The following ANKAR variants were observed in gnomAD, a reference collection of about 807,000 sequenced individuals.
ANKAR encodes the protein ankyrin and armadillo repeat-containing protein.
ANKAR carries 136 observed loss-of-function variants against 146.2 expected under a neutral mutation model. That is an observed-to-expected ratio of 0.93 (90% confidence interval 0.81 to 1.07). ANKAR has a LOEUF of 1.07. ANKAR is among the 50% of genes least tolerant of loss of function. The pLI is 0.00. For synonymous variants in ANKAR, 500 were observed against 575.8 expected (o/e 0.87, Z 1.88); for missense variants, 1,567 against 1,679.9 (o/e 0.93, Z 1.18).
At chr2:189,737,574 C>T (rs1422323956) in intron 17 of ANKAR, 109 bp from the exon 18 acceptor site, 12 of 930,754 alleles carry the variant, frequency 1.3e-5, no homozygotes, top group Non-Finnish European at 1.7e-5. Context: ...ATATTTTACT[C>T]CCAGTGATAA....
In ANKAR at chr2:189,676,771, T is replaced by C. The variant is rs140832996; in HGVS notation, c.281T>C (p.Leu94Pro). The C allele has an allele frequency of 1.3e-4, 213 of 1,614,064 alleles. 1 individual carries two copies. Among genetic ancestry groups the C allele is most frequent in the Non-Finnish European group, 1.5e-4 (176 of 1,180,040 alleles). The change falls in exon 2 of 23, where the codon CTC becomes CCC. Residue 94 changes from leucine to proline, a missense_variant. By Grantham distance (98) the Leu-to-Pro change is moderately conservative. Transcript: ENST00000684021. ...CTGACTCCCGTGGACCCTACTGCCC[T>C]CTTAGACTATAGAGAGGTCCATCAA... ...ILLTPVDPTA[L>P]LDYREVHQMI...
At chr2:189,744,119 G>A (rs1301978442) in intron 21 of ANKAR, among the ~76,000 whole-genome samples, 9 of 152,188 alleles carry the variant, frequency 5.9e-5, no homozygotes, top group Admixed American at 6.5e-5. Context: ...CTCAAGATAC[G>A]TTAACTCTAT....
chr2:189,738,739 T>C, intron 19 of ANKAR, 57 bp downstream of exon 19: 1 of 1,074,390 alleles, frequency 9.3e-7, no homozygotes, highest in East Asian at 2.4e-5. Flanking sequence ...AAAAACAGTT[T>C]ATTGTAATCT....
At chr2:189,722,127 G>A (rs901944855) in intron 12 of ANKAR, among the ~76,000 whole-genome samples, 2 of 152,042 alleles carry the variant, frequency 1.3e-5, no homozygotes, top group Admixed American at 6.6e-5. Flanking sequence ...GATCACCTGA[G>A]GTCAGGAGTT....
chr2:189,747,936 T>C (rs1484944370), downstream of ANKAR, among the ~76,000 whole-genome samples: 1 of 152,160 alleles, frequency 6.6e-6, no homozygotes, highest in Non-Finnish European at 1.5e-5. Flanking sequence ...TCCGCCTACC[T>C]TGGCCTCCCA....
downstream of ANKAR, chr2:189,746,847 C>T (rs1472076656): frequency 2.6e-6 from 1 of 387,046 alleles, no homozygotes; most frequent in Non-Finnish European, 4.5e-6. Flanking sequence ...AAGGCCTGCA[C>T]TTAAACCTTA....
intron 19 of ANKAR, 75 bp downstream of exon 19, chr2:189,738,757 A>G (rs1430160681): frequency 2.2e-6 from 2 of 889,236 alleles, no homozygotes; most frequent in Non-Finnish European, 3.4e-6. Context: ...TCTGAATAAT[A>G]ATAAAATAAT....
intron 18 of ANKAR, 80 bp downstream of exon 18, chr2:189,737,921 C>A: frequency 7.5e-7 from 1 of 1,342,220 alleles, no homozygotes; most frequent in Non-Finnish European, 9.9e-7. Flanking sequence ...ATTTGGAGGC[C>A]CAGAAAAACG....
rs982227323 is a variant in ANKAR at position 189,735,866 on chromosome 2, CTAAT to C, written c.3424-1810_3424-1807del. ...TTTTTAATTAACTCAAATATGTGGG[CTAAT>C]TAATTATGAATATACTTTTGAAGAG... On this transcript the variant is annotated intron_variant, in intron 17 of 22. Coordinates refer to ENST00000684021, the MANE Select transcript of ANKAR (RefSeq NM_001378068.1). Among the ~76,000 whole-genome samples, 9 of 152,192 alleles carry C rather than the reference CTAAT, an allele frequency of 5.9e-5. No homozygotes were observed. In the East Asian group the frequency reaches 7.7e-4, roughly 13 times the overall value.
chr2:189,730,309 A>G (rs888771789), intron 15 of ANKAR, among the ~76,000 whole-genome samples, 186 bp from the exon 16 acceptor site: 1 of 152,140 alleles, frequency 6.6e-6, no homozygotes, highest in Non-Finnish European at 1.5e-5. Flanking sequence ...CTCCATGTTT[A>G]TTCACTTTGT....
intron 17 of ANKAR, among the ~76,000 whole-genome samples, chr2:189,734,470 C>G (rs973773476): frequency 6.6e-6 from 1 of 152,090 alleles, no homozygotes; most frequent in Non-Finnish European, 1.5e-5. Flanking sequence ...ATTTTGTGGA[C>G]TGTCACTGGT....
chr2:189,718,316 ATCTGTC>A (rs1559111687), intron 10 of ANKAR, among the ~76,000 whole-genome samples: 13 of 63,186 alleles, frequency 2.1e-4, no homozygotes, highest in South Asian at 8.1e-4. Flanking sequence ...CTATATATCT[ATCTGTC>A]TGTCTATCTG....
intron 10 of ANKAR, among the ~76,000 whole-genome samples, chr2:189,715,413 C>T (rs994111103): frequency 2.0e-5 from 3 of 152,186 alleles, no homozygotes; most frequent in Non-Finnish European, 4.4e-5. Flanking sequence ...TCTGAATAGA[C>T]CATTAACAGG....
Position 189,753,980 on chromosome 2 carries a change from C to T in ANKAR, c.*585-7118C>T, listed in dbSNP as rs375298964. The T allele has an allele frequency of 7.4e-6, 12 of 1,613,772 alleles. No individual in the cohort carries two copies. Among genetic ancestry groups the T allele is most frequent in the Non-Finnish European group, 1.0e-5 (12 of 1,179,804 alleles). On this transcript the variant is annotated intron_variant and NMD_transcript_variant, in intron 18 of 18. Transcript: ENST00000441800. ...ACAAAACAGAATAGCCCGATGTGTT[C>T]TTTTCACAAGATGACATGCCATTGT...
At chr2:189,693,394 T>G (rs2036716208) in intron 5 of ANKAR, among the ~76,000 whole-genome samples, 1 of 152,198 alleles carries the variant, frequency 6.6e-6, no homozygotes, top group South Asian at 2.1e-4. Context: ...TCCTTAGAGC[T>G]TGTAATTAGT....
intron 2 of ANKAR, among the ~76,000 whole-genome samples, chr2:189,679,693 A>C (rs144706662): frequency 1.3e-5 from 2 of 152,132 alleles, no homozygotes; most frequent in Non-Finnish European, 2.9e-5. Context: ...ATTTTGTCAA[A>C]TGCTTTTTCT....
At chr2:189,724,770 A>C (rs1045382942) in intron 12 of ANKAR, among the ~76,000 whole-genome samples, 1 of 152,198 alleles carries the variant, frequency 6.6e-6, no homozygotes, top group Non-Finnish European at 1.5e-5. Flanking sequence ...ATTATAGAGC[A>C]TCTAAAGGAT....
At position 189,695,018 on chromosome 2, in the gene ANKAR, C is replaced by G. The variant is rs1313078138; in HGVS notation, c.1345C>G (p.Gln449Glu). 1 of 1,560,548 alleles carries G rather than the reference C, an allele frequency of 6.4e-7. No homozygotes were observed. Among genetic ancestry groups the G allele is most frequent in the African/African-American group, 1.4e-5 (1 of 73,508 alleles). The change falls in exon 6 of 23, where the codon CAG (glutamine) becomes GAG (glutamate). Residue 449 changes from glutamine (Q) to glutamate (E), a missense_variant. Transcript: ENST00000684021. ...VIYFELETFY[Q>E]QLYKTQWWGA... ...CTATTTTGAACTAGAAACTTTCTAT[C>G]AGCAACTATATAAGACACAGTGGTG...
intron 2 of ANKAR, among the ~76,000 whole-genome samples, chr2:189,678,003 A>G (rs1369240627): frequency 6.6e-6 from 1 of 152,202 alleles, no homozygotes; most frequent in Non-Finnish European, 1.5e-5. Flanking sequence ...AGTTCTTTAA[A>G]GAATCTCTAT....
Sources: allele counts gnomAD v4.1 joint callset (sites outside exome capture counted in the v4.1 genomes callset), GRCh38; gene constraint gnomAD v4.1.1; transcripts MANE v1.5; gene names NCBI Gene and HGNC (gene_info 2026-07-23, HGNC 2026-07-21).